The following WDR43 variants were observed in gnomAD, a reference collection of about 807,000 sequenced individuals.
WDR43 encodes the protein WD repeat-containing protein 43.
In WDR43, 13 loss-of-function variants were observed where a neutral mutation model predicts 91.4. The ratio of observed to expected loss-of-function variants is 0.14; its 90% CI spans 0.09 to 0.23. The LOEUF (loss-of-function observed/expected upper bound fraction) is 0.23, where lower values mean the gene tolerates loss of function less well. WDR43 is among the 10% of genes least tolerant of loss of function. WDR43 has a pLI of 1.00. For missense variants in WDR43, 780 were observed against 809.4 expected (o/e 0.96, Z 0.44); for synonymous variants, 331 against 287.9 (o/e 1.15, Z -1.51).
Position 28,936,154 on chromosome 2 carries a change from A to G in WDR43, c.1524+547A>G, listed in dbSNP as rs559151188. ...GCTATGATTGCACATTTAAATAGCC[A>G]CTATACTCTAGCCTAGGCAACATAG... is the stretch of plus-strand genomic sequence containing the variant. On this transcript the variant is annotated intron_variant, in intron 12 of 17. Transcript: ENST00000407426. 4.6e-5 allele frequency among the ~76,000 whole-genome samples: 7 copies of G among 152,226 alleles called. No individual in the cohort carries two copies. In the East Asian group the frequency reaches 5.8e-4, roughly 13 times the overall value.
At chr2:28,911,961 C>T (rs975220681) in intron 3 of WDR43, among the ~76,000 whole-genome samples, 1 of 152,186 alleles carries the variant, frequency 6.6e-6, no homozygotes, top group Admixed American at 6.5e-5. Flanking sequence ...GCCAAGTTCC[C>T]TATTGCCTAT....
At chr2:28,918,316 A>AC (rs1470047614) in intron 6 of WDR43, among the ~76,000 whole-genome samples, 1 of 126,018 alleles carries the variant, frequency 7.9e-6, no homozygotes, top group East Asian at 2.3e-4. Flanking sequence ...ATAGCTCCTA[A>AC]CTAAGGTGTG....
At chr2:28,937,899 G>A in intron 13 of WDR43, 32 bp from the exon 14 acceptor site, 1 of 1,607,812 alleles carries the variant, frequency 6.2e-7, no homozygotes, top group African/African-American at 1.3e-5. Context: ...TTGAATTTGT[G>A]AACATTAGTT....
At chr2:28,907,829 G>A (rs553636611) in intron 3 of WDR43, among the ~76,000 whole-genome samples, 2 of 152,188 alleles carry the variant, frequency 1.3e-5, no homozygotes, top group East Asian at 3.9e-4. Context: ...GCGTGAACCC[G>A]GGAGGCGGAG....
At chr2:28,927,500 CT>C in intron 9 of WDR43, 68 bp from the exon 10 acceptor site, 1 of 1,554,248 alleles carries the variant, frequency 6.4e-7, no homozygotes, top group Non-Finnish European at 8.7e-7. Flanking sequence ...AAGCTGTTTT[CT>C]CATTGAGGAT....
In WDR43 at chr2:28,913,854, C is replaced by A. The variant is rs117020341; in HGVS notation, c.607-215C>A. ...GGGTCATGGGAGTTAGAAGGAACAT[C>A]TAAATTTTCAGTATTTTCAGATGGA... is the stretch of plus-strand genomic sequence containing the variant. On this transcript the variant is annotated intron_variant, in intron 4 of 17. Transcript: ENST00000407426. 1.7e-4 allele frequency: 118 copies of A among 689,870 alleles called. No individual in the cohort carries two copies. In the East Asian group the frequency reaches 2.1e-3, roughly 12 times the overall value. The allele number at this position is 689,870 out of a possible 1,614,324, so 42.7% of individuals were successfully genotyped here.
Position 28,937,705 on chromosome 2 carries a change from G to A in WDR43, c.1557-226G>A, listed in dbSNP as rs1671361080. Among the ~76,000 whole-genome samples, 2 of 152,116 alleles carry A rather than the reference G, an allele frequency of 1.3e-5. 1 individual carries two copies. Among genetic ancestry groups the A allele is most frequent in the African/African-American group, 4.8e-5 (2 of 41,404 alleles). On this transcript the variant is annotated intron_variant, in intron 13 of 17. Coordinates refer to ENST00000407426, the MANE Select transcript of WDR43 (RefSeq NM_015131.3). ...GTTTTAGAGGAAGGGGTTTTGTCCT[G>A]TTTTCTGATGTGGCCCCCAATCCCT...
intron 6 of WDR43, among the ~76,000 whole-genome samples, chr2:28,919,014 G>A (rs1240388226): frequency 6.6e-6 from 1 of 152,148 alleles, no homozygotes; most frequent in East Asian, 1.9e-4. Context: ...TTGGTTTAAT[G>A]TTTCTGGCTG....
chr2:28,908,567 G>T (rs9677140), intron 3 of WDR43, among the ~76,000 whole-genome samples: 102,521 of 152,012 alleles, frequency 0.67, 35,197 homozygotes, highest in East Asian at 0.85. Context: ...CATTCAACAC[G>T]TGTGCGTTTT....
In WDR43 at chr2:28,911,102, G is replaced by A. The variant is rs529255775; in HGVS notation, c.486-1488G>A. Among the ~76,000 whole-genome samples the A allele has an allele frequency of 2.1e-3, 322 of 149,920 alleles. 1 individual carries two copies. Among genetic ancestry groups the A allele is most frequent in the Middle Eastern group, 0.01 (3 of 290 alleles). The stretch of plus-strand genomic sequence containing the variant: ...TCTTTATAATTTCTGGTTTGTAATT[G>A]CTGTGGAAGACCTTTCTTAACCCCA... On this transcript the variant is annotated intron_variant, in intron 3 of 17. Coordinates refer to ENST00000407426, the MANE Select transcript of WDR43 (RefSeq NM_015131.3).
At chr2:28,906,652 CATT>C in intron 3 of WDR43, 71 bp downstream of exon 3, 1 of 1,527,372 alleles carries the variant, frequency 6.5e-7, no homozygotes, top group South Asian at 1.3e-5. Context: ...GGAATGCAGA[CATT>C]AATAAGGTTA....
At chr2:28,923,578 G>C (rs982536757) in intron 7 of WDR43, among the ~76,000 whole-genome samples, 3 of 152,126 alleles carry the variant, frequency 2.0e-5, no homozygotes, top group African/African-American at 4.8e-5. Context: ...CTTGTTGTCA[G>C]TTGGCACCCT....
At chr2:28,897,933 A>G (rs1265915216) in intron 1 of WDR43, among the ~76,000 whole-genome samples, 1 of 152,228 alleles carries the variant, frequency 6.6e-6, no homozygotes, top group East Asian at 1.9e-4. Flanking sequence ...AATGAGGACA[A>G]GAAGATAGGA....
chr2:28,910,433 A>G (rs1269886236), intron 3 of WDR43, among the ~76,000 whole-genome samples: 1 of 152,192 alleles, frequency 6.6e-6, no homozygotes, highest in Non-Finnish European at 1.5e-5. Flanking sequence ...CTCGTACATT[A>G]TAGCTGCATT....
At position 28,909,726 on chromosome 2, in the gene WDR43, T is replaced by C. The variant is rs548503188; in HGVS notation, c.486-2864T>C. ...CCCTCTCTACAAAAATGAAAAAAAT[T>C]AGCCAGATGTGGTGGTGTGTACCTG... On this transcript the variant is annotated intron_variant, in intron 3 of 17. Coordinates refer to ENST00000407426, the MANE Select transcript of WDR43 (RefSeq NM_015131.3). Among the ~76,000 whole-genome samples, 6 of 152,178 alleles carry C rather than the reference T, an allele frequency of 3.9e-5. 1 individual carries two copies. The South Asian group carries it at 1.2e-3, about 32-fold the overall frequency.
chr2:28,925,755 A>G (rs1346833767), intron 8 of WDR43, among the ~76,000 whole-genome samples: 1 of 152,194 alleles, frequency 6.6e-6, no homozygotes, highest in African/African-American at 2.4e-5. Context: ...TATGAGTGGA[A>G]TATTACATGC....
intron 3 of WDR43, among the ~76,000 whole-genome samples, chr2:28,911,978 A>G (rs1176486217): frequency 1.3e-5 from 2 of 152,222 alleles, no homozygotes; most frequent in African/African-American, 2.4e-5. Context: ...CTATGACAGC[A>G]TTAATATGAG....
chr2:28,936,262 T>G (rs1049955495), intron 12 of WDR43, among the ~76,000 whole-genome samples: 1 of 152,186 alleles, frequency 6.6e-6, no homozygotes, highest in Non-Finnish European at 1.5e-5. Context: ...TTTTAAAAAT[T>G]AGGCCTAAAA....
intron 3 of WDR43, among the ~76,000 whole-genome samples, chr2:28,908,712 G>A (rs931813015): frequency 2.6e-5 from 4 of 152,110 alleles, no homozygotes; most frequent in Non-Finnish European, 2.9e-5. Flanking sequence ...CAGCTTCATC[G>A]TTAGCATTCT....
Sources: allele counts gnomAD v4.1 joint callset (sites outside exome capture counted in the v4.1 genomes callset), GRCh38; gene constraint gnomAD v4.1.1; transcripts MANE v1.5; gene names NCBI Gene and HGNC (gene_info 2026-07-23, HGNC 2026-07-21).